The following RAMP1 variants were observed in gnomAD, a reference collection of about 807,000 sequenced individuals.
RAMP1 encodes receptor activity modifying protein 1.
RAMP1 carries 7 observed loss-of-function variants against 8.2 expected under a neutral mutation model. That is an observed-to-expected ratio of 0.85 (90% CI 0.49 to 1.60). RAMP1 has a LOEUF of 1.60. Among genes scored for constraint, RAMP1 ranks in the 40% most tolerant of loss-of-function variants. The pLI is 0.00. For missense variants in RAMP1, 192 were observed against 202.4 expected (o/e 0.95, Z 0.31); for synonymous variants, 92 against 84.7 (o/e 1.09, Z -0.47).
intron 2 of RAMP1, among the ~76,000 whole-genome samples, chr2:237,888,157 G>A (rs1271000795): frequency 6.6e-6 from 1 of 151,970 alleles, no homozygotes; most frequent in South Asian, 2.1e-4. Flanking sequence ...GGGTTCAAGC[G>A]ATTCTCCTGC....
chr2:237,877,293 T>C lies in RAMP1; in HGVS notation c.122T>C (p.Leu41Pro). Reference sequence around the variant, plus strand: ...GGTGCCCTCCTCCGGGAGCTCTGCCTCACCCAGTTCCAGGTAGACATGGAG... The same window carrying C: ...GGTGCCCTCCTCCGGGAGCTCTGCCCCACCCAGTTCCAGGTAGACATGGAG... ...NYGALLRELC[L>P]TQFQVDMEAV... is the part of the protein sequence containing the mutation. The change falls in exon 2 of 3, where the codon CTC becomes CCC. Residue 41 changes from leucine (L) to proline (P), a missense_variant. Transcript: ENST00000254661. This position sits in a 1 kb window ranked among gnomAD's most constrained non-coding sequence, Gnocchi z 4.4. 6.2e-7 allele frequency: 1 copy of C among 1,614,018 alleles called. No individual in the cohort carries two copies. The highest frequency in any genetic ancestry group is 8.5e-7 in the Non-Finnish European group (1 of 1,180,012).
intron 2 of RAMP1, among the ~76,000 whole-genome samples, chr2:237,903,242 A>G (rs533826769): frequency 5.9e-5 from 9 of 152,358 alleles, no homozygotes; most frequent in African/African-American, 1.7e-4. Context: ...GGAGCCACTC[A>G]TAAACAATTT....
chr2:237,895,654 C>T (rs558052077), intron 2 of RAMP1, among the ~76,000 whole-genome samples: 7 of 152,198 alleles, frequency 4.6e-5, no homozygotes, highest in East Asian at 1.9e-4. Context: ...TCGTGAAGCC[C>T]GGCAGGGGTC....
At chr2:237,907,179 T>C (rs928143016) in intron 2 of RAMP1, among the ~76,000 whole-genome samples, 4 of 152,224 alleles carry the variant, frequency 2.6e-5, no homozygotes, top group Admixed American at 1.3e-4. Context: ...CTGCTGTAAC[T>C]CACTGTTCTT....
rs139854944 is a variant in RAMP1 at position 237,911,436 on chromosome 2, C to T, written c.192-92C>T. The T allele has an allele frequency of 1.9e-3, 2,924 of 1,520,476 alleles. 47 individuals are homozygous for T. The African/African-American group carries it at 0.032, about 17-fold the overall frequency. The allele number at this position is 1,520,476 out of a possible 1,614,324, so 94.2% of individuals were successfully genotyped here. On this transcript the variant is annotated intron_variant, in intron 2 of 2. Coordinates refer to ENST00000254661, the MANE Select transcript of RAMP1 (RefSeq NM_005855.4). ...TTCTCCGAGCCAAGCTTCAGGGCTGCATGAGGGGCCACGGTGCAGCAGCCC... is the reference window on the plus strand; with the variant it reads ...TTCTCCGAGCCAAGCTTCAGGGCTGTATGAGGGGCCACGGTGCAGCAGCCC...
intron 1 of RAMP1, 90 bp downstream of exon 1, chr2:237,859,817 TGGGAGC>T: frequency 2.2e-6 from 1 of 462,068 alleles, no homozygotes; most frequent in South Asian, 3.2e-5. Context: ...TGGGAGCGGG[TGGGAGC>T]GGGTGGGGGC....
intron 2 of RAMP1, among the ~76,000 whole-genome samples, chr2:237,887,010 G>A (rs112673957): frequency 0.012 from 1,765 of 152,146 alleles, 17 homozygotes; most frequent in Non-Finnish European, 0.019. Context: ...GGACTTGGCT[G>A]TCCTGGGACA....
At chr2:237,899,466 C>T (rs1385112351) in intron 2 of RAMP1, among the ~76,000 whole-genome samples, 1 of 152,180 alleles carries the variant, frequency 6.6e-6, no homozygotes, top group South Asian at 2.1e-4. Flanking sequence ...TGAGTTTTCT[C>T]AAATGCCTTC....
intron 1 of RAMP1, among the ~76,000 whole-genome samples, chr2:237,870,297 G>A (rs72976051): frequency 0.13 from 19,487 of 152,204 alleles, 1,302 homozygotes; most frequent in Middle Eastern, 0.22. Context: ...GCCATTTCCC[G>A]TCCTGTGCAA....
chr2:237,863,620 G>A (rs910836847), intron 1 of RAMP1, among the ~76,000 whole-genome samples: 5 of 152,154 alleles, frequency 3.3e-5, no homozygotes, highest in South Asian at 2.1e-4. Context: ...AATTTCTGGG[G>A]CATCCGAAAG....
intron 2 of RAMP1, among the ~76,000 whole-genome samples, chr2:237,897,582 G>T (rs2062553960): frequency 6.6e-6 from 1 of 152,174 alleles, no homozygotes; most frequent in South Asian, 2.1e-4. Flanking sequence ...CAAGCACCTA[G>T]TCAGTGGTAA....
intron 2 of RAMP1, among the ~76,000 whole-genome samples, chr2:237,891,181 A>G (rs748006626): frequency 1.0e-5 from 1 of 96,144 alleles, no homozygotes; most frequent in East Asian, 3.1e-4. Context: ...ACGGAGTCTC[A>G]CTCTGTCACC....
At chr2:237,900,717 C>T (rs144198957) in intron 2 of RAMP1, among the ~76,000 whole-genome samples, 4 of 152,010 alleles carry the variant, frequency 2.6e-5, no homozygotes, top group East Asian at 1.9e-4. Context: ...CCTGTGACTT[C>T]GAAATTATAT....
intron 2 of RAMP1, among the ~76,000 whole-genome samples, chr2:237,902,086 G>A (rs550788528): frequency 4.6e-5 from 7 of 152,214 alleles, no homozygotes; most frequent in African/African-American, 1.7e-4. Context: ...GGTGGAGGAG[G>A]GAGAATGGGG....
At chr2:237,901,065 C>T (rs753036001) in intron 2 of RAMP1, among the ~76,000 whole-genome samples, 5 of 152,250 alleles carry the variant, frequency 3.3e-5, no homozygotes, top group Admixed American at 1.3e-4. Context: ...GCTGTCTGTA[C>T]GCTGTGGCGC....
intron 1 of RAMP1, among the ~76,000 whole-genome samples, chr2:237,875,021 G>A (rs1280964084): frequency 1.3e-5 from 2 of 152,140 alleles, no homozygotes. Context: ...GAGCAGTGAG[G>A]GATAAACAGA....
At chr2:237,906,560 T>C (rs1009027319) in intron 2 of RAMP1, among the ~76,000 whole-genome samples, 2 of 152,150 alleles carry the variant, frequency 1.3e-5, no homozygotes, top group South Asian at 2.1e-4. Context: ...TTCTATTGTC[T>C]TCATTTTCAC....
At chr2:237,903,156 GC>G (rs1224439428) in intron 2 of RAMP1, among the ~76,000 whole-genome samples, 3 of 152,028 alleles carry the variant, frequency 2.0e-5, no homozygotes, top group Admixed American at 6.5e-5. Flanking sequence ...CTGTTCTTCT[GC>G]CCAGCTTTAG....
At chr2:237,869,459 C>G (rs1036894707) in intron 1 of RAMP1, among the ~76,000 whole-genome samples, 2 of 152,210 alleles carry the variant, frequency 1.3e-5, no homozygotes, top group African/African-American at 4.8e-5. Flanking sequence ...TTTACCACCT[C>G]CCCCAGCCCC....
Sources: gnomAD v4.1 joint callset for allele counts (sites outside exome capture counted in the v4.1 genomes callset) on GRCh38, gnomAD v4.1.1 for gene constraint, Gnocchi (gnomAD v3.1) non-coding constraint, MANE v1.5 for transcripts, NCBI Gene and HGNC (gene_info 2026-07-23, HGNC 2026-07-21) for gene names.